Variants in AP4E1 observed in about 807,000 individuals in gnomAD.
The protein encoded by AP4E1 is adaptor related protein complex 4 subunit epsilon 1, also known as AP-4 complex subunit epsilon-1.
Under a neutral mutation model 128.2 loss-of-function variants are expected in AP4E1, and 56 were observed. The ratio of observed to expected loss-of-function variants is 0.44; its 90% CI spans 0.35 to 0.55. The LOEUF is 0.55. Ranked by LOEUF, AP4E1 falls within the 20% of genes least tolerant of loss-of-function variation. The pLI, the probability that AP4E1 is intolerant of heterozygous loss-of-function variation, is 0.00. For synonymous variants in AP4E1, 484 were observed against 473.1 expected (o/e 1.02, Z -0.30); for missense variants, 1,324 against 1,307.7 (o/e 1.01, Z -0.19).
At chr15:50,940,206 C>T (rs1336259801) in intron 8 of AP4E1, among the ~76,000 whole-genome samples, 2 of 152,132 alleles carry the variant, frequency 1.3e-5, no homozygotes, top group Non-Finnish European at 2.9e-5. Flanking sequence ...CATTTTATAG[C>T]ATAGCATCTG....
intron 8 of AP4E1, among the ~76,000 whole-genome samples, chr15:50,938,689 C>T (rs1434806874): frequency 6.6e-6 from 1 of 152,082 alleles, no homozygotes; most frequent in Non-Finnish European, 1.5e-5. Flanking sequence ...TCAGAACTTC[C>T]ACTCCTGATC....
Position 51,001,183 on chromosome 15 carries a change from G to C in AP4E1, c.3253G>C (p.Gly1085Arg). 3.1e-6 allele frequency: 5 copies of C among 1,612,604 alleles called. No homozygotes were observed. Among genetic ancestry groups the C allele is most frequent in the Non-Finnish European group, 4.2e-6 (5 of 1,179,234 alleles). ...AAGACTCCATATTATTGAGATTATA[G>C]GTTTGTAGAGTTATAAAAAGGCTAT... ...KLRLHIIEIIGNEGLLACQLL... is the reference protein window; with the variant it reads ...KLRLHIIEIIRNEGLLACQLL... The change falls in exon 20 of 21, where the codon GGC becomes CGC. Residue 1085 changes from glycine (G) to arginine (R), a missense_variant and splice_region_variant. Physicochemically the swap from Gly to Arg is moderately radical, Grantham distance 125. Coordinates refer to ENST00000261842, the MANE Select transcript of AP4E1 (RefSeq NM_007347.5).
At chr15:50,965,536 C>T (rs1389486825) in intron 14 of AP4E1, among the ~76,000 whole-genome samples, 3 of 152,166 alleles carry the variant, frequency 2.0e-5, no homozygotes, top group Non-Finnish European at 4.4e-5. Flanking sequence ...TTTGTGTTAG[C>T]TTACTGGTTT....
At chr15:50,974,644 G>A (rs561231536) in intron 15 of AP4E1, among the ~76,000 whole-genome samples, 7 of 152,188 alleles carry the variant, frequency 4.6e-5, no homozygotes, top group Admixed American at 2.6e-4. Flanking sequence ...ATCAACAATG[G>A]GTAAGGGTTC....
At chr15:50,976,125 C>A (rs941245248) in intron 15 of AP4E1, among the ~76,000 whole-genome samples, 6 of 152,188 alleles carry the variant, frequency 3.9e-5, no homozygotes, top group Admixed American at 3.3e-4. Context: ...AGGCCAATAT[C>A]CCTGATGAAT....
chr15:50,982,388 A>G (rs893105368), intron 15 of AP4E1, among the ~76,000 whole-genome samples: 2 of 152,224 alleles, frequency 1.3e-5, no homozygotes, highest in African/African-American at 2.4e-5. Context: ...AAAGATTTAG[A>G]TAAGTGGTTT....
chr15:50,997,218 G>C, intron 17 of AP4E1, 108 bp from the exon 18 acceptor site: 1 of 1,005,434 alleles, frequency 9.9e-7, no homozygotes, highest in Non-Finnish European at 1.4e-6. Flanking sequence ...TTTATAGATA[G>C]AACCTTAGCA....
chr15:50,937,932 T>C, intron 8 of AP4E1, among the ~76,000 whole-genome samples: 1 of 152,178 alleles, frequency 6.6e-6, no homozygotes, highest in East Asian at 1.9e-4. Context: ...AAGGTACTGA[T>C]AACATGAGAA....
At chr15:50,983,883 T>C in intron 15 of AP4E1, 139 bp from the exon 16 acceptor site, 1 of 739,996 alleles carries the variant, frequency 1.4e-6, no homozygotes, top group Non-Finnish European at 2.2e-6. Flanking sequence ...AGTATTTGAT[T>C]AGATCATCCT....
At chr15:50,919,302 G>A (rs1289809062) in intron 3 of AP4E1, among the ~76,000 whole-genome samples, 1 of 151,886 alleles carries the variant, frequency 6.6e-6, no homozygotes, top group South Asian at 2.1e-4. Flanking sequence ...GGAGGCTGAG[G>A]TGGGCAGATC....
At chr15:50,920,258 C>T (rs1370591165) in intron 3 of AP4E1, among the ~76,000 whole-genome samples, 4 of 151,334 alleles carry the variant, frequency 2.6e-5, no homozygotes, top group African/African-American at 4.9e-5. Flanking sequence ...GGACTACAGA[C>T]GCCTGCCACC....
chr15:50,975,507 T>C (rs887038522), intron 15 of AP4E1, among the ~76,000 whole-genome samples: 5 of 152,186 alleles, frequency 3.3e-5, no homozygotes, highest in African/African-American at 1.2e-4. Flanking sequence ...TTTTATTCTT[T>C]TGCATGTGAA....
At chr15:50,950,010 A>G in intron 12 of AP4E1, 41 bp from the exon 13 acceptor site, 1 of 1,590,070 alleles carries the variant, frequency 6.3e-7, no homozygotes, top group Non-Finnish European at 8.6e-7. Context: ...GTCCTAAGAT[A>G]AGTTTGTGGA....
intron 16 of AP4E1, among the ~76,000 whole-genome samples, chr15:50,987,638 T>C (rs1444885248): frequency 1.3e-5 from 2 of 152,236 alleles, no homozygotes; most frequent in East Asian, 3.8e-4. Flanking sequence ...AATCCTGAGT[T>C]CTAGTTTGAT....
rs144039601 is a variant in AP4E1, at chr15:50,923,975, T to C, written c.391T>C (p.Leu131=). The change falls in exon 4 of 21, where the codon TTG becomes CTG. Residue 131 remains leucine, a synonymous_variant. Transcript: ENST00000261842. Reference sequence around the variant, plus strand: ...ATTTCTACATGAAAGTCATGAATTATTGCTTCTCCTTGTGAATACAGTTGT... The same window carrying C: ...ATTTCTACATGAAAGTCATGAATTACTGCTTCTCCTTGTGAATACAGTTGT... The part of the protein sequence containing the change: ...SLFLHESHEL[L]LLLVNTVVKD... The C allele has an allele frequency of 1.9e-6, 3 of 1,611,742 alleles. No homozygotes were observed. The highest frequency in any genetic ancestry group is 2.7e-5 in the African/African-American group (2 of 75,006).
chr15:50,908,707 A>T lies in AP4E1; in HGVS notation c.-72A>T, dbSNP rs995543214. ...AAGTGCCTACGGAGGCCGGGCCGGC[A>T]GCGGCGGCCGGGCATGAAGCCGGGC... On this transcript the variant is annotated 5_prime_UTR_variant, in exon 1 of 21. Transcript: ENST00000261842. 165 of 1,394,460 alleles carry T rather than the reference A, an allele frequency of 1.2e-4. No individual in the cohort carries two copies. The Middle Eastern group carries it at 1.4e-3, about 11-fold the overall frequency. The allele number at this position is 1,394,460 out of a possible 1,614,324, so 86.4% of individuals were successfully genotyped here. A position where few individuals can be genotyped will look rare whatever the true frequency, so the allele number is the denominator to read the frequency against.
intron 15 of AP4E1, among the ~76,000 whole-genome samples, chr15:50,969,910 T>C (rs564219641): frequency 4.0e-4 from 61 of 152,246 alleles, no homozygotes; most frequent in Middle Eastern, 3.4e-3. Context: ...CTGCCCGCCT[T>C]GGCCTCCCAA....
Position 50,997,640 on chromosome 15 carries a change from C to T in AP4E1, c.2661C>T (p.His887=), listed in dbSNP as rs1321535452. ...CTAATAACAACATGGAAATTTTTCA[C>T]CCTCCTCAATCTACTGCAGCCTCAG... ...LFANNNMEIF[H]PPQSTAASVA... The change falls in exon 18 of 21, where the codon CAC becomes CAT. Residue 887 remains histidine (H), a synonymous_variant. Transcript: ENST00000261842. 6.8e-6 allele frequency: 11 copies of T among 1,613,914 alleles called. No homozygotes were observed. Among genetic ancestry groups the T allele is most frequent in the Non-Finnish European group, 9.3e-6 (11 of 1,179,992 alleles).
intron 3 of AP4E1, among the ~76,000 whole-genome samples, chr15:50,922,870 T>C (rs1049405575): frequency 1.3e-5 from 2 of 151,770 alleles, no homozygotes; most frequent in Non-Finnish European, 2.9e-5. Flanking sequence ...CTCTGCCTCC[T>C]GGGTTCATGC....
Sources: allele counts gnomAD v4.1 joint callset (sites outside exome capture counted in the v4.1 genomes callset), GRCh38; gene constraint gnomAD v4.1.1; transcripts MANE v1.5; gene names NCBI Gene and HGNC (gene_info 2026-07-23, HGNC 2026-07-21).